The following C12orf42 variants were observed in gnomAD, a reference collection of about 807,000 sequenced individuals.
C12orf42 encodes chromosome 12 open reading frame 42, also known as uncharacterized protein C12orf42.
C12orf42 carries 25 observed loss-of-function variants against 21.6 expected under a neutral mutation model. The ratio of observed to expected loss-of-function variants is 1.16; its 90% CI spans 0.84 to 1.62. C12orf42 has a LOEUF of 1.62. Ranked by LOEUF, C12orf42 falls within the 40% of genes most tolerant of loss-of-function variation. The probability of loss-of-function intolerance (pLI) is 0.00; values close to 1 mark genes in which losing one functional copy is unlikely to be tolerated. For missense variants in C12orf42, 483 were observed against 459.3 expected (o/e 1.05, Z -0.47); for synonymous variants, 174 against 175.0 (o/e 0.99, Z 0.05).
the C12orf42 span, chr12:103,155,973 AATT>A: frequency 1.3e-5 from 2 of 151,582 alleles, no homozygotes; most frequent in Admixed American, 6.6e-5. Context: ...AATATTTTCT[AATT>A]ATGAACATTT....
chr12:103,451,636 G>A (rs1048439565), intron 2 of C12orf42, among the ~76,000 whole-genome samples: 1 of 152,008 alleles, frequency 6.6e-6, no homozygotes, highest in African/African-American at 2.4e-5. Context: ...TCTACAGTTT[G>A]GGGCAATCAG....
intron 2 of C12orf42, among the ~76,000 whole-genome samples, chr12:103,424,807 C>T (rs1949668852): frequency 6.6e-6 from 1 of 152,166 alleles, no homozygotes. Flanking sequence ...TTTCATTCCC[C>T]AGTGGTGCCT....
chr12:103,234,290 C>A (rs1470534257), downstream of C12orf42, among the ~76,000 whole-genome samples: 1 of 152,088 alleles, frequency 6.6e-6, no homozygotes, highest in East Asian at 1.9e-4. Context: ...GTACAATATT[C>A]CATTTATGCC....
At chr12:103,424,273 T>C (rs1297808204) in intron 2 of C12orf42, among the ~76,000 whole-genome samples, 1 of 152,248 alleles carries the variant, frequency 6.6e-6, no homozygotes, top group Non-Finnish European at 1.5e-5. Context: ...TGGGGTCAAC[T>C]ATAATAAGGA....
At chr12:103,073,535 A>C in the C12orf42 span, among the ~76,000 whole-genome samples, 2 of 152,160 alleles carry the variant, frequency 1.3e-5, no homozygotes, top group Non-Finnish European at 2.9e-5. Context: ...GAAACATAAA[A>C]ATTCAAAAGG....
chr12:103,423,776 T>C (rs113817340), intron 2 of C12orf42, among the ~76,000 whole-genome samples: 9 of 152,280 alleles, frequency 5.9e-5, no homozygotes, highest in African/African-American at 2.2e-4. Context: ...CTAGTTAAAA[T>C]TTAATGAGTT....
chr12:103,524,312 A>G, the C12orf42 span, among the ~76,000 whole-genome samples: 1 of 152,160 alleles, frequency 6.6e-6, no homozygotes. Context: ...GCTTGGTCCT[A>G]TAAGGAGGAA....
the C12orf42 span, among the ~76,000 whole-genome samples, chr12:103,110,828 T>G: frequency 1.3e-5 from 2 of 152,228 alleles, no homozygotes; most frequent in African/African-American, 2.4e-5. Context: ...GCAAGGGTTT[T>G]ATTTACAAAC....
chr12:103,369,858 CA>C (rs756827290), intron 3 of C12orf42, among the ~76,000 whole-genome samples: 15 of 151,970 alleles, frequency 9.9e-5, no homozygotes, highest in Non-Finnish European at 1.9e-4. Flanking sequence ...GCAATTGCAA[CA>C]AAAACAAAAA....
the C12orf42 span, among the ~76,000 whole-genome samples, chr12:103,529,487 T>C: frequency 0.054 from 8,274 of 152,226 alleles, 754 homozygotes; most frequent in African/African-American, 0.18. Context: ...CTTCTCAGGA[T>C]ACCCGTTGCC....
the C12orf42 span, chr12:103,550,457 A>G: frequency 6.6e-6 from 1 of 151,880 alleles, no homozygotes; most frequent in Non-Finnish European, 1.5e-5. Flanking sequence ...CTTTTTTGCT[A>G]TTAGGAATAA....
At chr12:103,160,135 A>C in the C12orf42 span, among the ~76,000 whole-genome samples, 1 of 152,196 alleles carries the variant, frequency 6.6e-6, no homozygotes, top group Non-Finnish European at 1.5e-5. Flanking sequence ...TAATTCTGTG[A>C]GAAAAAAAGT....
upstream of C12orf42, among the ~76,000 whole-genome samples, chr12:103,497,916 T>G (rs1231022098): frequency 1.3e-5 from 2 of 151,992 alleles, no homozygotes; most frequent in Non-Finnish European, 2.9e-5. Context: ...GCGCCCATAG[T>G]CCCAGCTACT....
the C12orf42 span, among the ~76,000 whole-genome samples, chr12:103,137,788 A>G: frequency 6.6e-6 from 1 of 152,192 alleles, no homozygotes; most frequent in African/African-American, 2.4e-5. Context: ...CAAATACTGC[A>G]TGTTCTCACT....
chr12:103,252,953 T>A (rs2034383019), intron 10 of C12orf42, among the ~76,000 whole-genome samples: 1 of 152,222 alleles, frequency 6.6e-6, no homozygotes, highest in Admixed American at 6.5e-5. Flanking sequence ...TACGTTTAAG[T>A]CTTTAATCCA....
intron 2 of C12orf42, among the ~76,000 whole-genome samples, chr12:103,404,531 C>A (rs1055660301): frequency 2.6e-5 from 4 of 152,158 alleles, no homozygotes; most frequent in African/African-American, 4.8e-5. Context: ...ATTTTGGACA[C>A]TTATAAAGCA....
chr12:103,240,647 T>C (rs1299322884), intron 10 of C12orf42, among the ~76,000 whole-genome samples: 2 of 152,196 alleles, frequency 1.3e-5, no homozygotes, highest in Non-Finnish European at 2.9e-5. Flanking sequence ...CTAAAAGAAA[T>C]GCTAATCAAT....
At chr12:103,472,966 G>A (rs893360308) in intron 2 of C12orf42, among the ~76,000 whole-genome samples, 1 of 152,176 alleles carries the variant, frequency 6.6e-6, no homozygotes, top group Admixed American at 6.5e-5. Context: ...GAGATTTGCA[G>A]GGCTTTTAGT....
chr12:103,056,083 C>T, the C12orf42 span, among the ~76,000 whole-genome samples: 2 of 152,082 alleles, frequency 1.3e-5, no homozygotes, highest in African/African-American at 4.8e-5. Context: ...TTCTTCTATA[C>T]ACTTGCTAAT....
Sources: gnomAD v4.1 joint callset for allele counts (sites outside exome capture counted in the v4.1 genomes callset) on GRCh38, gnomAD v4.1.1 for gene constraint, MANE v1.5 for transcripts, NCBI Gene and HGNC (gene_info 2026-07-23, HGNC 2026-07-21) for gene names.